ERC1: variants seen among roughly 807,000 people sequenced by gnomAD.
The protein encoded by ERC1 is RAB6 interacting protein 2.
ERC1 carries 56 observed loss-of-function variants against 132.0 expected under a neutral mutation model. The observed-to-expected ratio is 0.42, with a 90% CI of 0.34 to 0.53. The LOEUF is 0.53. Ranked by LOEUF, ERC1 falls within the 20% of genes least tolerant of loss-of-function variation. ERC1 has a pLI of 0.03. For synonymous variants in ERC1, 478 were observed against 476.1 expected, an observed-to-expected ratio of 1.00 and a Z score of -0.05; for missense variants, 1,202 against 1,349.9, an observed-to-expected ratio of 0.89 and a Z score of 1.72.
intron 8 of ERC1, among the ~76,000 whole-genome samples, chr12:1,144,534 G>A (rs922977907): frequency 2.0e-5 from 3 of 149,842 alleles, no homozygotes; most frequent in African/African-American, 7.6e-5. Context: ...ACTTCACTTA[G>A]AATAATGGTC....
At chr12:1,468,406 C>A (rs1393866556) in intron 18 of ERC1, among the ~76,000 whole-genome samples, 2 of 152,184 alleles carry the variant, frequency 1.3e-5, no homozygotes, top group African/African-American at 4.8e-5. Context: ...AGTTCAAGGT[C>A]AGCCTGGCCA....
At chr12:1,395,008 C>A (rs2090411952) in intron 16 of ERC1, among the ~76,000 whole-genome samples, 1 of 152,204 alleles carries the variant, frequency 6.6e-6, no homozygotes, top group South Asian at 2.1e-4. Context: ...TTGAGTCTCA[C>A]TGAATCCAGC....
chr12:1,002,494 A>G (rs1424947266), intron 1 of ERC1, among the ~76,000 whole-genome samples: 1 of 151,970 alleles, frequency 6.6e-6, no homozygotes, highest in African/African-American at 2.4e-5. Flanking sequence ...GCCTTGTGCA[A>G]GTCTTTTAGT....
At chr12:1,075,247 T>C (rs1037382862) in intron 2 of ERC1, among the ~76,000 whole-genome samples, 1 of 152,332 alleles carries the variant, frequency 6.6e-6, no homozygotes, top group East Asian at 1.9e-4. Context: ...TGTATAAGTT[T>C]TGACACCCCC....
At chr12:1,272,807 G>A (rs1040073619) in intron 14 of ERC1, among the ~76,000 whole-genome samples, 4 of 152,108 alleles carry the variant, frequency 2.6e-5, no homozygotes, top group South Asian at 4.2e-4. Context: ...AATTAGCTGG[G>A]CGCAGTGCTA....
chr12:1,211,766 C>T (rs1157800739), intron 12 of ERC1, among the ~76,000 whole-genome samples: 7 of 149,252 alleles, frequency 4.7e-5, no homozygotes, highest in East Asian at 4.0e-4. Context: ...GACATGGTTT[C>T]GTCATGTTGG....
chr12:1,487,699 T>C (rs4444138), intron 18 of ERC1, among the ~76,000 whole-genome samples: 6,886 of 139,028 alleles, frequency 0.05, 523 homozygotes, highest in African/African-American at 0.18. Context: ...CCCCAGACAA[T>C]AGAGGGAGAC....
At chr12:1,010,819 C>T (rs1307959365) in intron 1 of ERC1, among the ~76,000 whole-genome samples, 1 of 152,052 alleles carries the variant, frequency 6.6e-6, no homozygotes, top group African/African-American at 2.4e-5. Flanking sequence ...ATTTTTGATG[C>T]TCTGCAAATT....
chr12:1,478,755 C>T (rs553113951), intron 18 of ERC1, among the ~76,000 whole-genome samples: 15 of 151,320 alleles, frequency 9.9e-5, no homozygotes, highest in East Asian at 9.7e-4. Context: ...CACCACTGCA[C>T]TCCAGCCTGA....
At chr12:1,325,650 T>C (rs2082396546) in intron 15 of ERC1, among the ~76,000 whole-genome samples, 2 of 152,210 alleles carry the variant, frequency 1.3e-5, no homozygotes, top group Admixed American at 1.3e-4. Flanking sequence ...TCAAATTAGA[T>C]ATTTCAGATT....
chr12:1,221,070 ACTGT>A (rs1264224951), intron 12 of ERC1, among the ~76,000 whole-genome samples: 1 of 152,008 alleles, frequency 6.6e-6, no homozygotes, highest in Non-Finnish European at 1.5e-5. Flanking sequence ...TGGACTTATC[ACTGT>A]CTGACATACC....
chr12:1,220,281 C>T (rs906334983), intron 12 of ERC1, among the ~76,000 whole-genome samples: 7 of 152,108 alleles, frequency 4.6e-5, no homozygotes, highest in African/African-American at 1.7e-4. Flanking sequence ...TTCCCGCCTC[C>T]CCCTTTTAAA....
intron 7 of ERC1, among the ~76,000 whole-genome samples, chr12:1,120,568 T>A (rs1196168706): frequency 6.6e-6 from 1 of 152,196 alleles, no homozygotes; most frequent in Non-Finnish European, 1.5e-5. Context: ...TAAAGTTCTT[T>A]TCTTGTTCCA....
intron 8 of ERC1, among the ~76,000 whole-genome samples, chr12:1,143,329 CGT>C (rs4017792): frequency 0.13 from 16,983 of 128,462 alleles, 1,058 homozygotes; most frequent in Non-Finnish European, 0.15. Flanking sequence ...GCTTTTGACT[CGT>C]GTGTGTGTGT....
intron 18 of ERC1, among the ~76,000 whole-genome samples, chr12:1,464,693 G>A (rs748292209): frequency 7.3e-5 from 11 of 151,334 alleles, no homozygotes; most frequent in Non-Finnish European, 1.6e-4. Flanking sequence ...GCTAATTTTT[G>A]TATTTTTAGT....
At chr12:1,027,006 G>A (rs2369667) in intron 1 of ERC1, among the ~76,000 whole-genome samples, 39,142 of 152,040 alleles carry the variant, frequency 0.26, 7,002 homozygotes, top group African/African-American at 0.51. Flanking sequence ...TCTTAGCAGT[G>A]TTTGTCTTCT....
chr12:1,412,889 A>T (rs1277681885), intron 17 of ERC1, among the ~76,000 whole-genome samples: 1 of 152,230 alleles, frequency 6.6e-6, no homozygotes, highest in Non-Finnish European at 1.5e-5. Context: ...CTTTCAATAA[A>T]TGTTAGTTCC....
intron 1 of ERC1, among the ~76,000 whole-genome samples, chr12:1,018,883 G>C (rs770773744): frequency 6.6e-6 from 1 of 152,274 alleles, no homozygotes; most frequent in East Asian, 1.9e-4. Flanking sequence ...AGACTGAGGG[G>C]CATGAAGGTT....
At chr12:1,230,199 A>G (rs61911973) in intron 12 of ERC1, among the ~76,000 whole-genome samples, 29,402 of 151,910 alleles carry the variant, frequency 0.19, 3,362 homozygotes, top group Non-Finnish European at 0.26. Flanking sequence ...GGGTTTCACC[A>G]TGTTGGCCAG....
Sources: allele counts gnomAD v4.1 joint callset (sites outside exome capture counted in the v4.1 genomes callset), GRCh38; gene constraint gnomAD v4.1.1; transcripts MANE v1.5; gene names NCBI Gene and HGNC (gene_info 2026-07-23, HGNC 2026-07-21).